The following ZNF732 variants were observed in gnomAD, a reference collection of about 807,000 sequenced individuals.
ZNF732 encodes the protein zinc finger protein LOC654254.
A neutral mutation model predicts 11.5 loss-of-function variants in ZNF732; 12 were observed. The observed-to-expected ratio is 1.05, with a 90% CI of 0.67 to 1.70. ZNF732 has a LOEUF of 1.70. Among genes scored for constraint, ZNF732 ranks in the 40% most tolerant of loss-of-function variants. The pLI is 0.00. For synonymous variants in ZNF732, 231 were observed against 236.5 expected (o/e 0.98, Z 0.21); for missense variants, 702 against 676.9 (o/e 1.04, Z -0.41).
At chr4:275,371 TAATTA>T (rs1553838506) in intron 3 of ZNF732, among the ~76,000 whole-genome samples, 1 of 151,716 alleles carries the variant, frequency 6.6e-6, no homozygotes, top group Non-Finnish European at 1.5e-5. Context: ...CTGTCAAATT[TAATTA>T]AATTATTGTA....
chr4:277,976 A>G (rs782480977), intron 3 of ZNF732, among the ~76,000 whole-genome samples: 14 of 152,208 alleles, frequency 9.2e-5, no homozygotes, highest in Non-Finnish European at 1.5e-5. Flanking sequence ...GATCAATCCA[A>G]GTGTCCAAAA....
At chr4:305,047 C>G (rs782475832) in intron 1 of ZNF732, among the ~76,000 whole-genome samples, 3 of 152,184 alleles carry the variant, frequency 2.0e-5, no homozygotes, top group Non-Finnish European at 4.4e-5. Flanking sequence ...GGCGTTTTCC[C>G]GATGAGCTCC....
chr4:299,461 G>GTGTATATATATATACACATATGTGTA lies in ZNF732; in HGVS notation c.4-3307_4-3306insTACACATATGTGTATATATATATACA, dbSNP rs1720052039. Among the ~76,000 whole-genome samples, 9 of 83,544 alleles carry GTGTATATATATATACACATATGTGTA rather than the reference G, an allele frequency of 1.1e-4. 1 individual carries two copies. The highest frequency in any genetic ancestry group is 6.7e-4 in the East Asian group (2 of 2,974). 54.8% of individuals were successfully genotyped at this position (83,544 alleles called of 152,430 possible). Reference sequence around the variant, plus strand: ...TATATATATATATATACACATATGTGTATATATATATACACATATATACAC... The same window carrying GTGTATATATATATACACATATGTGTA: ...TATATATATATATATACACATATGTGTGTATATATATATACACATATGTGTATATATATATATACACATATATACAC... On this transcript the variant is annotated intron_variant, in intron 1 of 3. Coordinates refer to ENST00000419098, the MANE Select transcript of ZNF732 (RefSeq NM_001137608.3).
At chr4:303,701 G>A (rs1720164157) in intron 1 of ZNF732, among the ~76,000 whole-genome samples, 1 of 152,210 alleles carries the variant, frequency 6.6e-6, no homozygotes, top group Non-Finnish European at 1.5e-5. Flanking sequence ...TCTAAAGAGA[G>A]ACCATTAAGC....
intron 2 of ZNF732, 104 bp downstream of exon 2, chr4:295,925 T>C: frequency 1.4e-6 from 2 of 1,390,352 alleles, no homozygotes; most frequent in South Asian, 2.9e-5. Flanking sequence ...AGAAAGAAAC[T>C]GAAATTCACA....
chr4:272,548 A>G lies in ZNF732; in HGVS notation c.309T>C (p.Tyr103=), dbSNP rs782277415. The G allele has an allele frequency of 4.4e-6, 7 of 1,601,018 alleles. No homozygotes were observed. The highest frequency in any genetic ancestry group is 3.5e-5 in the Admixed American group (2 of 57,460). ...CTAAATTCTCATGTCCACATTTCTC[A>G]TATCTTCTTAATATAAGTTTGTGGA... ...DSFHKLILRR[Y]EKCGHENLEL... Residue 103 remains tyrosine, a synonymous_variant, in exon 4 of 4, where the codon TAT becomes TAC. Transcript: ENST00000419098.
intron 3 of ZNF732, among the ~76,000 whole-genome samples, chr4:288,661 C>G (rs144580614): frequency 0.013 from 1,963 of 152,296 alleles, 23 homozygotes; most frequent in Middle Eastern, 0.061. Context: ...GTTCTAAAAA[C>G]AAGAAGTGTT....
chr4:275,668 C>T (rs73213596), intron 3 of ZNF732, among the ~76,000 whole-genome samples: 12,349 of 151,690 alleles, frequency 0.081, 728 homozygotes, highest in Admixed American at 0.15. Flanking sequence ...ATAACAGCAA[C>T]GCATATTTCT....
chr4:297,626 A>G (rs1012266768), intron 1 of ZNF732, among the ~76,000 whole-genome samples: 1 of 151,680 alleles, frequency 6.6e-6, no homozygotes, highest in African/African-American at 2.4e-5. Context: ...AAAAAAAAAA[A>G]AAAAAACTGC....
At chr4:287,203 T>C (rs934171642) in intron 3 of ZNF732, among the ~76,000 whole-genome samples, 1 of 151,596 alleles carries the variant, frequency 6.6e-6, no homozygotes, top group Admixed American at 6.6e-5. Context: ...TCCAAGAATA[T>C]GTGAAACTTA....
At chr4:287,655 T>TA (rs1560161139) in intron 3 of ZNF732, among the ~76,000 whole-genome samples, 3 of 151,932 alleles carry the variant, frequency 2.0e-5, no homozygotes, top group Admixed American at 1.3e-4. Context: ...ATATATATTT[T>TA]TTTTTGAGAT....
intron 1 of ZNF732, among the ~76,000 whole-genome samples, chr4:304,566 G>GC (rs34949567): frequency 0.028 from 4,243 of 150,784 alleles, 73 homozygotes; most frequent in Non-Finnish European, 0.04. Context: ...TCCCGCAGCT[G>GC]CCCCCCCCCT....
rs79991484 is a variant in ZNF732, at chr4:283,567, T to C, written c.227-10937A>G. ...AAGAGGCTAATCTGTCAAAAGAATA[T>C]AACAATTAAAAATATATATATACCC... On this transcript the variant is annotated intron_variant, in intron 3 of 3. Transcript: ENST00000419098. 2.7e-3 allele frequency among the ~76,000 whole-genome samples: 397 copies of C among 149,438 alleles called. 3 individuals carry two copies. The highest frequency in any genetic ancestry group is 9.4e-3 in the African/African-American group (385 of 40,906).
At position 271,628 on chromosome 4, in the gene ZNF732, C is replaced by A; in HGVS notation, c.1229G>T (p.Arg410Ile). 1.2e-6 allele frequency: 2 copies of A among 1,610,970 alleles called. No homozygotes were observed. The highest frequency in any genetic ancestry group is 2.2e-5 in the East Asian group (1 of 44,812). ...SRFTTLNEHKRIHTGERPHKC... is the reference protein window; with the variant it reads ...SRFTTLNEHKIIHTGERPHKC... ...GTGGGGCCTCTCTCCAGTATGAATTCTCTTATGTTCATTAAGGGTTGTGAA... is the reference window on the plus strand; with the variant it reads ...GTGGGGCCTCTCTCCAGTATGAATTATCTTATGTTCATTAAGGGTTGTGAA... The change falls in exon 4 of 4, where the codon AGA (arginine) becomes ATA (isoleucine). Residue 410 changes from arginine to isoleucine, a missense_variant. Coordinates refer to ENST00000419098, the MANE Select transcript of ZNF732 (RefSeq NM_001137608.3).
intron 1 of ZNF732, among the ~76,000 whole-genome samples, chr4:302,932 A>C (rs1185708139): frequency 6.6e-6 from 1 of 152,094 alleles, no homozygotes; most frequent in Non-Finnish European, 1.5e-5. Context: ...ACTCTCCCTT[A>C]GCTAAGAGCC....
At chr4:288,988 G>C (rs1458445228) in intron 3 of ZNF732, among the ~76,000 whole-genome samples, 7 of 152,174 alleles carry the variant, frequency 4.6e-5, no homozygotes, top group African/African-American at 1.7e-4. Context: ...TTTTTAAATA[G>C]AGATTTAATT....
chr4:286,822 G>A (rs181165043), intron 3 of ZNF732, among the ~76,000 whole-genome samples: 88 of 152,250 alleles, frequency 5.8e-4, no homozygotes, highest in African/African-American at 2.1e-3. Flanking sequence ...ATTAAAGATT[G>A]AATTATACAA....
At chr4:273,513 T>C (rs1719432343) in intron 3 of ZNF732, among the ~76,000 whole-genome samples, 1 of 151,670 alleles carries the variant, frequency 6.6e-6, no homozygotes, top group Non-Finnish European at 1.5e-5. Flanking sequence ...ATCAGCTAAA[T>C]GGAAACACGT....
chr4:293,495 A>G (rs1560162831), intron 3 of ZNF732, among the ~76,000 whole-genome samples: 1 of 152,024 alleles, frequency 6.6e-6, no homozygotes, highest in Non-Finnish European at 1.5e-5. Flanking sequence ...AACTCATAAA[A>G]GCAGAAAGTA....
Sources: allele counts gnomAD v4.1 joint callset (sites outside exome capture counted in the v4.1 genomes callset), GRCh38; gene constraint gnomAD v4.1.1; transcripts MANE v1.5; gene names NCBI Gene and HGNC (gene_info 2026-07-23, HGNC 2026-07-21).